Variants in ATE1 observed in about 807,000 individuals in gnomAD.
The protein encoded by ATE1 is arginyltransferase 1.
Under a neutral mutation model 70.5 loss-of-function variants are expected in ATE1, and 36 were observed. The observed-to-expected ratio is 0.51, with a 90% CI of 0.39 to 0.67. The LOEUF (loss-of-function observed/expected upper bound fraction) is 0.67, where lower values mean the gene tolerates loss of function less well. ATE1 is among the 30% of genes least tolerant of loss of function. The probability of loss-of-function intolerance (pLI) is 0.00; values close to 1 mark genes in which losing one functional copy is unlikely to be tolerated. For missense variants in ATE1, 593 were observed against 629.5 expected, an observed-to-expected ratio of 0.94 and a Z score of 0.62; for synonymous variants, 232 against 219.3, an observed-to-expected ratio of 1.06 and a Z score of -0.51.
chr10:121,927,085 C>G, intron 1 of ATE1: 1 of 985,284 alleles, frequency 1.0e-6, no homozygotes, highest in Non-Finnish European at 1.2e-6. Flanking sequence ...AGTCTACATT[C>G]TATATTGGCA....
intron 5 of ATE1, among the ~76,000 whole-genome samples, chr10:121,908,509 A>G (rs1287975016): frequency 1.3e-5 from 2 of 152,216 alleles, no homozygotes; most frequent in African/African-American, 2.4e-5. Flanking sequence ...TTCAAAAAAA[A>G]AGAACATATC....
chr10:121,917,116 T>C (rs1215503875), intron 3 of ATE1, among the ~76,000 whole-genome samples: 2 of 151,714 alleles, frequency 1.3e-5, no homozygotes, highest in East Asian at 3.9e-4. Context: ...TGAACTGAGA[T>C]TGTGCCAGTA....
chr10:121,790,601 G>A (rs1274634488), intron 10 of ATE1, among the ~76,000 whole-genome samples: 1 of 152,108 alleles, frequency 6.6e-6, no homozygotes, highest in Non-Finnish European at 1.5e-5. Context: ...AGAATAACCA[G>A]TTTCAAAATT....
intron 11 of ATE1, among the ~76,000 whole-genome samples, chr10:121,787,516 G>A (rs535039119): frequency 6.6e-6 from 1 of 152,256 alleles, no homozygotes; most frequent in Admixed American, 6.5e-5. Flanking sequence ...ATAAAACTGT[G>A]TGGTATTCTC....
chr10:121,766,216 T>G (rs1270750185), intron 11 of ATE1, among the ~76,000 whole-genome samples: 1 of 152,190 alleles, frequency 6.6e-6, no homozygotes, highest in African/African-American at 2.4e-5. Context: ...ATTTTCTCAA[T>G]TAGCTCTCAA....
chr10:121,761,968 C>T (rs1033205913), intron 11 of ATE1, among the ~76,000 whole-genome samples: 10 of 152,154 alleles, frequency 6.6e-5, no homozygotes, highest in African/African-American at 1.2e-4. Flanking sequence ...AGAGCATTTA[C>T]TTAATGGCCA....
In ATE1 at chr10:121,855,162, T is replaced by C. The variant is rs76450624; in HGVS notation, c.976-13899A>G. 5.6e-3 allele frequency among the ~76,000 whole-genome samples: 858 copies of C among 152,360 alleles called. 21 individuals carry two copies. In the East Asian group the frequency reaches 0.082, roughly 15 times the overall value. On this transcript the variant is annotated intron_variant, in intron 8 of 11. Coordinates refer to ENST00000224652, the MANE Select transcript of ATE1 (RefSeq NM_001001976.3). ...GCAACCCTCTCCCAGGCCCCCTCTC[T>C]GCTGTGGACAGCTTTTTTCTTTCAC...
chr10:121,876,751 T>G (rs930936063), intron 7 of ATE1, among the ~76,000 whole-genome samples: 32 of 152,042 alleles, frequency 2.1e-4, no homozygotes, highest in South Asian at 4.2e-4. Context: ...CGGATCACGA[T>G]GTCAGCAGAT....
chr10:121,824,719 G>C (rs1366702532), intron 10 of ATE1, among the ~76,000 whole-genome samples: 1 of 152,114 alleles, frequency 6.6e-6, no homozygotes, highest in Non-Finnish European at 1.5e-5. Context: ...ATACATGTCT[G>C]TATAAAAAAT....
At chr10:121,928,347 C>A (rs1415849921), upstream of ATE1, 1 of 1,529,188 alleles carries the variant, frequency 6.5e-7, no homozygotes, top group Non-Finnish European at 8.8e-7. Context: ...GAACACTCAC[C>A]GCAGGACGCT....
chr10:121,751,235 T>C (rs560113367), intron 11 of ATE1, among the ~76,000 whole-genome samples: 1 of 152,368 alleles, frequency 6.6e-6, no homozygotes, highest in Admixed American at 6.5e-5. Flanking sequence ...TATCTAAGCT[T>C]GTAAAATGTC....
chr10:121,839,021 C>G lies in ATE1; in HGVS notation c.1157+2061G>C, dbSNP rs143315803. On this transcript the variant is annotated intron_variant, in intron 9 of 11. Coordinates refer to ENST00000224652, the MANE Select transcript of ATE1 (RefSeq NM_001001976.3). The stretch of plus-strand genomic sequence containing the variant: ...GAATTAGCAACTGGTAACCTACTTT[C>G]TCCAATTTTGCTTCAAGAGGTCAAT... Among the ~76,000 whole-genome samples the G allele has an allele frequency of 8.7e-3, 1,321 of 152,254 alleles. 16 individuals carry two copies. The highest frequency in any genetic ancestry group is 0.022 in the Admixed American group (332 of 15,282).
Position 121,888,857 on chromosome 10 carries a change from G to T in ATE1, c.942+11009C>A, listed in dbSNP as rs1217654364. 2.6e-5 allele frequency among the ~76,000 whole-genome samples: 4 copies of T among 152,222 alleles called. No individual in the cohort carries two copies. The East Asian group carries it at 7.7e-4, about 29-fold the overall frequency. On this transcript the variant is annotated intron_variant, in intron 7 of 11. Transcript: ENST00000224652. Reference sequence around the variant, plus strand: ...AATAGATAACTCACACTACCATAATGTTGGGCAAATGAAACCACACTCAAA... The same window carrying T: ...AATAGATAACTCACACTACCATAATTTTGGGCAAATGAAACCACACTCAAA...
chr10:121,815,328 G>T (rs1425653212), intron 10 of ATE1, among the ~76,000 whole-genome samples: 1 of 152,060 alleles, frequency 6.6e-6, no homozygotes, highest in Non-Finnish European at 1.5e-5. Flanking sequence ...AGTAGAGATG[G>T]GGTTTCACCG....
At chr10:121,753,114 C>T (rs761234170) in intron 11 of ATE1, among the ~76,000 whole-genome samples, 19 of 152,316 alleles carry the variant, frequency 1.2e-4, no homozygotes, top group Middle Eastern at 3.4e-3. Flanking sequence ...GTAAACGCAA[C>T]TGTTGATAAT....
At chr10:121,889,342 C>T (rs1234092150) in intron 7 of ATE1, among the ~76,000 whole-genome samples, 2 of 151,318 alleles carry the variant, frequency 1.3e-5, no homozygotes, top group Non-Finnish European at 1.5e-5. Flanking sequence ...AACTGTGATA[C>T]GGAACATTCT....
At chr10:121,751,807 G>A (rs2935700) in intron 11 of ATE1, among the ~76,000 whole-genome samples, 140,828 of 152,176 alleles carry the variant, frequency 0.93, 65,513 homozygotes, top group Non-Finnish European at 0.97. Context: ...TTAAATTTTG[G>A]TAAAGTCCAA....
chr10:121,896,449 C>A (rs73364468), intron 7 of ATE1, among the ~76,000 whole-genome samples: 3,515 of 152,218 alleles, frequency 0.023, 138 homozygotes, highest in African/African-American at 0.08. Context: ...ATAGGTATGT[C>A]GCAGTTTAAG....
chr10:121,857,525 G>A (rs529136873), intron 8 of ATE1, among the ~76,000 whole-genome samples: 4 of 152,222 alleles, frequency 2.6e-5, no homozygotes, highest in African/African-American at 9.6e-5. Flanking sequence ...GGCTAGTTCA[G>A]CCACTGTGGA....
Sources: allele counts gnomAD v4.1 joint callset (sites outside exome capture counted in the v4.1 genomes callset), GRCh38; gene constraint gnomAD v4.1.1; transcripts MANE v1.5; gene names NCBI Gene and HGNC (gene_info 2026-07-23, HGNC 2026-07-21).